Variants in ELAPOR2 observed in about 807,000 individuals in gnomAD.
ELAPOR2 encodes the protein endosome-lysosome associated apoptosis and autophagy regulator family member 2.
A neutral mutation model predicts 120.7 loss-of-function variants in ELAPOR2; 89 were observed. The ratio of observed to expected loss-of-function variants is 0.74; its 90% CI spans 0.62 to 0.88. ELAPOR2 has a LOEUF of 0.88. Ranked by LOEUF, ELAPOR2 falls within the 40% of genes least tolerant of loss-of-function variation. ELAPOR2 has a pLI of 0.00. For synonymous variants in ELAPOR2, 444 were observed against 444.9 expected, an observed-to-expected ratio of 1.00 and a Z score of 0.03; for missense variants, 1,134 against 1,251.6, an observed-to-expected ratio of 0.91 and a Z score of 1.42.
chr7:86,992,127 A>AT (rs1583962158), intron 1 of ELAPOR2, among the ~76,000 whole-genome samples: 1 of 152,216 alleles, frequency 6.6e-6, no homozygotes, highest in Non-Finnish European at 1.5e-5. Flanking sequence ...CAGGAAGCTG[A>AT]TTTTTTTATG....
intron 10 of ELAPOR2, chr7:86,919,695 G>A (rs2519709): frequency 0.065 from 10,175 of 156,100 alleles, 415 homozygotes; most frequent in African/African-American, 0.11. Flanking sequence ...TGGGACCTGA[G>A]GTTCATTCTT....
chr7:87,054,047 T>C (rs1026415936), intron 1 of ELAPOR2, among the ~76,000 whole-genome samples: 3 of 152,206 alleles, frequency 2.0e-5, no homozygotes, highest in Non-Finnish European at 2.9e-5. Flanking sequence ...CATCCATTCA[T>C]TGTCAATACC....
At chr7:87,030,291 C>T (rs554666588) in intron 1 of ELAPOR2, among the ~76,000 whole-genome samples, 2 of 152,160 alleles carry the variant, frequency 1.3e-5, no homozygotes, top group East Asian at 3.9e-4. Context: ...ACAGTACATA[C>T]CAATACCTTT....
intron 1 of ELAPOR2, among the ~76,000 whole-genome samples, chr7:87,004,438 A>C: frequency 6.6e-6 from 1 of 152,218 alleles, no homozygotes; most frequent in East Asian, 1.9e-4. Flanking sequence ...ATACAAATTC[A>C]ATACATGTCC....
At chr7:86,947,667 G>C in intron 3 of ELAPOR2, 60 bp downstream of exon 3, 1 of 1,375,104 alleles carries the variant, frequency 7.3e-7, no homozygotes, top group Non-Finnish European at 1.0e-6. Flanking sequence ...TTCTGGAAAA[G>C]AGCAACTACT....
At position 86,909,986 on chromosome 7, in the gene ELAPOR2, G is replaced by A; in HGVS notation, c.2185C>T (p.Leu729Phe). The change falls in exon 16 of 22, where the codon CTC becomes TTC. Residue 729 changes from leucine to phenylalanine, a missense_variant. Transcript: ENST00000450689. ...AAGTCTGTTATATTGTTGGTACAGA[G>A]AGCCATCTTCTTCCCCTAGGAAAAT... is the stretch of plus-strand genomic sequence containing the variant. ...LCGHEGKKMALCTNNITDFTV... is the reference protein window; with the variant it reads ...LCGHEGKKMAFCTNNITDFTV... The A allele has an allele frequency of 6.2e-7, 1 of 1,607,250 alleles. No individual in the cohort carries two copies. The highest frequency in any genetic ancestry group is 8.5e-7 in the Non-Finnish European group (1 of 1,177,416).
rs560855580 is a variant in ELAPOR2, at chr7:86,946,409, G to A, written c.506+1318C>T. ...AAATAAAAAGTATGCAAAAGTGGAC[G>A]GAGTTTTGCTCTTGTTGCCCAGACT... On this transcript the variant is annotated intron_variant, in intron 3 of 21. Transcript: ENST00000450689. 6.6e-5 allele frequency among the ~76,000 whole-genome samples: 10 copies of A among 152,250 alleles called. 3 individuals are homozygous for A. Among genetic ancestry groups the A allele is most frequent in the African/African-American group, 2.2e-4 (9 of 41,548 alleles).
chr7:86,952,039 CA>C (rs1175116127), intron 2 of ELAPOR2, among the ~76,000 whole-genome samples: 10 of 152,114 alleles, frequency 6.6e-5, no homozygotes, highest in African/African-American at 2.4e-4. Flanking sequence ...AATAAACCAC[CA>C]AAAGGACACT....
chr7:86,929,932 TA>T (rs997666636), intron 8 of ELAPOR2, among the ~76,000 whole-genome samples: 1 of 151,954 alleles, frequency 6.6e-6, no homozygotes, highest in African/African-American at 2.4e-5. Context: ...ACCATGATTA[TA>T]AGTTTCCTGA....
chr7:87,050,518 C>G (rs1052198675), intron 1 of ELAPOR2, among the ~76,000 whole-genome samples: 2 of 152,168 alleles, frequency 1.3e-5, no homozygotes, highest in Non-Finnish European at 2.9e-5. Flanking sequence ...GGCCCAGCAT[C>G]TGCCAGCACT....
At chr7:87,052,228 A>G (rs1795127698) in intron 1 of ELAPOR2, among the ~76,000 whole-genome samples, 1 of 152,184 alleles carries the variant, frequency 6.6e-6, no homozygotes, top group South Asian at 2.1e-4. Flanking sequence ...GATTTAATGG[A>G]CCTATAGTTT....
intron 1 of ELAPOR2, among the ~76,000 whole-genome samples, chr7:87,009,052 A>T (rs914395318): frequency 3.9e-5 from 6 of 152,194 alleles, no homozygotes; most frequent in African/African-American, 7.2e-5. Flanking sequence ...TGATGAATTT[A>T]AAAAAATTAG....
At chr7:86,891,937 A>C in intron 20 of ELAPOR2, 48 bp from the exon 21 acceptor site, 1 of 1,178,202 alleles carries the variant, frequency 8.5e-7, no homozygotes, top group Non-Finnish European at 1.2e-6. Flanking sequence ...ATTTATGTTA[A>C]TATAAATAAA....
chr7:86,940,172 C>G, intron 5 of ELAPOR2, 57 bp from the exon 6 acceptor site: 2 of 1,054,186 alleles, frequency 1.9e-6, no homozygotes, highest in Non-Finnish European at 2.9e-6. Context: ...TTTCCAAAAG[C>G]TACTCCCTTA....
intron 1 of ELAPOR2, among the ~76,000 whole-genome samples, chr7:86,974,431 G>A (rs1792204484): frequency 6.6e-6 from 1 of 152,068 alleles, no homozygotes; most frequent in Non-Finnish European, 1.5e-5. Flanking sequence ...GAAACAATAA[G>A]AGACTGGTTA....
At chr7:86,893,820 G>T (rs150611693) in intron 19 of ELAPOR2, among the ~76,000 whole-genome samples, 1,899 of 152,074 alleles carry the variant, frequency 0.012, 40 homozygotes, top group African/African-American at 0.042. Context: ...TTAATATACT[G>T]GGTCTCAACC....
chr7:87,056,842 T>C (rs1022461125), intron 1 of ELAPOR2, among the ~76,000 whole-genome samples: 1 of 152,208 alleles, frequency 6.6e-6, no homozygotes, highest in African/African-American at 2.4e-5. Flanking sequence ...TTATGTAACT[T>C]TGTTAAACAT....
chr7:86,897,462 C>T, intron 19 of ELAPOR2, 44 bp downstream of exon 19: 3 of 1,586,932 alleles, frequency 1.9e-6, no homozygotes, highest in Non-Finnish European at 2.6e-6. Flanking sequence ...GCCAGATTAA[C>T]CAACTATAAT....
At chr7:86,939,914 T>A in intron 6 of ELAPOR2, 96 bp downstream of exon 6, 1 of 660,346 alleles carries the variant, frequency 1.5e-6, no homozygotes, top group South Asian at 2.8e-5. Context: ...TTCTGTTCTA[T>A]AAATCTTTGA....
Sources: allele counts gnomAD v4.1 joint callset (sites outside exome capture counted in the v4.1 genomes callset), GRCh38; gene constraint gnomAD v4.1.1; transcripts MANE v1.5; gene names NCBI Gene and HGNC (gene_info 2026-07-23, HGNC 2026-07-21).